Variants in PIK3R4 observed in about 807,000 individuals in gnomAD.
PIK3R4 encodes the protein phosphoinositide-3-kinase regulatory subunit 4.
In PIK3R4, 46 loss-of-function variants were observed where a neutral mutation model predicts 136.5. That is an observed-to-expected ratio of 0.34 (90% CI 0.27 to 0.43). The LOEUF is 0.43. PIK3R4 is among the 20% of genes least tolerant of loss of function. PIK3R4 has a pLI of 1.00. For synonymous variants in PIK3R4, 557 were observed against 566.7 expected, an observed-to-expected ratio of 0.98 and a Z score of 0.24; for missense variants, 1,331 against 1,649.5, an observed-to-expected ratio of 0.81 and a Z score of 3.35.
chr3:130,684,027 T>A (rs1455052067), intron 16 of PIK3R4, among the ~76,000 whole-genome samples: 1 of 152,054 alleles, frequency 6.6e-6, no homozygotes, highest in East Asian at 1.9e-4. Context: ...GGATAGGAGA[T>A]GGTGGTGGAC....
At chr3:130,702,558 A>G (rs2066581124) in intron 13 of PIK3R4, among the ~76,000 whole-genome samples, 1 of 152,236 alleles carries the variant, frequency 6.6e-6, no homozygotes, top group South Asian at 2.1e-4. Context: ...TATAACAAGA[A>G]AAGCACCAGA....
intron 5 of PIK3R4, among the ~76,000 whole-genome samples, chr3:130,729,066 G>A (rs2066748606): frequency 6.6e-6 from 1 of 152,158 alleles, no homozygotes; most frequent in Admixed American, 6.5e-5. Context: ...ATAATATGAT[G>A]GTACTGAGCA....
At chr3:130,684,093 CAGTG>C (rs904527169) in intron 16 of PIK3R4, among the ~76,000 whole-genome samples, 153 bp downstream of exon 16, 2 of 152,098 alleles carry the variant, frequency 1.3e-5, no homozygotes, top group Non-Finnish European at 2.9e-5. Flanking sequence ...ACATAGATGA[CAGTG>C]AGGTATCAAT....
Position 130,681,494 on chromosome 3 carries a change from T to G in PIK3R4, c.3705A>C (p.Leu1235Phe). 6.3e-7 allele frequency: 1 copy of G among 1,588,730 alleles called. No individual in the cohort carries two copies. The highest frequency in any genetic ancestry group is 8.6e-7 in the Non-Finnish European group (1 of 1,157,056). The change falls in exon 17 of 20, where the codon TTA (leucine) becomes TTC (phenylalanine). Residue 1235 changes from leucine (L) to phenylalanine (F), a missense_variant. This residue lies in a region of PIK3R4 where 1,180 missense variants were observed against 1,407.0 expected (regional missense o/e 0.84). Coordinates refer to ENST00000356763, the MANE Select transcript of PIK3R4 (RefSeq NM_014602.3). The part of the protein sequence containing the change: ...WASSAPPLSE[L>F]QPSPHSVHGI... ...ACAGTAAAAACTGAAGTCAAACCTG[T>G]AATTCAGAAAGTGGTGGTGCACTGC...
chr3:130,725,084 C>A (rs891475522), intron 6 of PIK3R4, among the ~76,000 whole-genome samples: 1 of 151,734 alleles, frequency 6.6e-6, no homozygotes, highest in South Asian at 2.1e-4. Flanking sequence ...AGGAAAAATT[C>A]TATCTAAAAT....
rs757258277 is a variant in PIK3R4 at position 130,686,198 on chromosome 3, A to C, written c.3475+13T>G. 2 of 1,579,130 alleles carry C rather than the reference A, an allele frequency of 1.3e-6. No homozygotes were observed. Among genetic ancestry groups the C allele is most frequent in the African/African-American group, 1.3e-5 (1 of 74,308 alleles). ...CATTCAAAACCCAGCCAATGACTTG[A>C]AAGTTAGCTTACCAATGCAGAGCCA... On this transcript the variant is annotated intron_variant, in intron 15 of 19. Coordinates refer to ENST00000356763, the MANE Select transcript of PIK3R4 (RefSeq NM_014602.3).
intron 13 of PIK3R4, among the ~76,000 whole-genome samples, chr3:130,693,141 C>T (rs546185392): frequency 6.6e-6 from 1 of 152,192 alleles, no homozygotes; most frequent in Non-Finnish European, 1.5e-5. Context: ...TCAAGGTTTA[C>T]TCACATTATA....
chr3:130,689,623 C>T (rs77682524), intron 14 of PIK3R4, among the ~76,000 whole-genome samples: 8,327 of 152,226 alleles, frequency 0.055, 360 homozygotes, highest in South Asian at 0.22. Flanking sequence ...ATCCACTAAA[C>T]AACTCCTCAT....
intron 16 of PIK3R4, among the ~76,000 whole-genome samples, chr3:130,682,508 C>T (rs1256207946): frequency 6.6e-6 from 1 of 152,098 alleles, no homozygotes; most frequent in Non-Finnish European, 1.5e-5. Flanking sequence ...GAAACTAATA[C>T]TTGCCTATGG....
Position 130,718,453 on chromosome 3 carries a change from G to A in PIK3R4, c.2063C>T (p.Thr688Ile), listed in dbSNP as rs767781492. ...CATCAGTTTACAGTAGACATCAGCT[G>A]TACTTATTTGACGAGCTACCACTGT... is the stretch of plus-strand genomic sequence containing the variant. ...FITVVARQISTADVYCKLMPY... is the reference protein window; with the variant it reads ...FITVVARQISIADVYCKLMPY... Residue 688 changes from threonine to isoleucine, a missense_variant, in exon 8 of 20, where the codon ACA becomes ATA. Around this residue, in one of 2 missense-constraint regions of PIK3R4, gnomAD observed 1,180 missense variants for 1,407.0 expected, o/e 0.84. Coordinates refer to ENST00000356763, the MANE Select transcript of PIK3R4 (RefSeq NM_014602.3). The A allele has an allele frequency of 1.3e-5, 21 of 1,613,110 alleles. No individual in the cohort carries two copies. The highest frequency in any genetic ancestry group is 1.7e-6 in the Non-Finnish European group (2 of 1,179,258).
intron 13 of PIK3R4, among the ~76,000 whole-genome samples, chr3:130,699,050 G>A (rs2066562010): frequency 6.6e-6 from 1 of 152,170 alleles, no homozygotes; most frequent in Non-Finnish European, 1.5e-5. Flanking sequence ...AGCCAGACAT[G>A]AGAATTTGGT....
At chr3:130,708,623 C>T (rs1390080702) in intron 9 of PIK3R4, 131 bp from the exon 10 acceptor site, 1 of 717,752 alleles carries the variant, frequency 1.4e-6, no homozygotes, top group Non-Finnish European at 2.3e-6. Context: ...GTGAAACAAC[C>T]AAGTCCAAGT....
At position 130,686,407 on chromosome 3, in the gene PIK3R4, C is replaced by T; in HGVS notation, c.3279G>A (p.Lys1093=). 1 of 1,608,472 alleles carries T rather than the reference C, an allele frequency of 6.2e-7. No individual in the cohort carries two copies. The highest frequency in any genetic ancestry group is 1.1e-5 in the South Asian group (1 of 90,960). The change falls in exon 15 of 20, where the codon AAG becomes AAA. Residue 1093 remains lysine, a synonymous_variant. Coordinates refer to ENST00000356763, the MANE Select transcript of PIK3R4 (RefSeq NM_014602.3). ...HPLQSRILDQ[K]EDGCVVDMHH... ...GCATATCCACAACACAACCGTCCTCCTTCTGATCTAGAATTCTAGAGAAAT... is the reference window on the plus strand; with the variant it reads ...GCATATCCACAACACAACCGTCCTCTTTCTGATCTAGAATTCTAGAGAAAT...
chr3:130,681,409 A>G, intron 17 of PIK3R4, 82 bp downstream of exon 17: 1 of 924,180 alleles, frequency 1.1e-6, no homozygotes, highest in Admixed American at 1.9e-5. Flanking sequence ...AGCCCAACAG[A>G]TACTAGGTTT....
intron 10 of PIK3R4, among the ~76,000 whole-genome samples, chr3:130,707,548 T>G (rs1459517072): frequency 3.9e-5 from 6 of 152,230 alleles, no homozygotes; most frequent in Non-Finnish European, 7.3e-5. Context: ...TTTGGCTTGC[T>G]TTCTTATTAA....
chr3:130,705,320 G>A (rs2066600535), intron 12 of PIK3R4, among the ~76,000 whole-genome samples: 1 of 152,184 alleles, frequency 6.6e-6, no homozygotes, highest in Admixed American at 6.5e-5. Flanking sequence ...TGGGGAAAAT[G>A]AAGCACAGAT....
intron 9 of PIK3R4, among the ~76,000 whole-genome samples, chr3:130,711,450 G>T (rs1043177598): frequency 6.6e-6 from 1 of 152,174 alleles, no homozygotes; most frequent in African/African-American, 2.4e-5. Context: ...GTGGAGCAGA[G>T]AAATGAAGGA....
chr3:130,726,843 G>A (rs977213008), intron 6 of PIK3R4, among the ~76,000 whole-genome samples: 3 of 151,720 alleles, frequency 2.0e-5, no homozygotes, highest in Non-Finnish European at 4.4e-5. Context: ...GACTTTTCCC[G>A]AGAAAAGAAA....
chr3:130,735,414 A>G (rs939625757), intron 3 of PIK3R4, among the ~76,000 whole-genome samples: 1 of 152,202 alleles, frequency 6.6e-6, no homozygotes, highest in Non-Finnish European at 1.5e-5. Flanking sequence ...GCCTTTCCAG[A>G]ACTGCCCTCA....
Sources: allele counts gnomAD v4.1 joint callset (sites outside exome capture counted in the v4.1 genomes callset), GRCh38; gene constraint gnomAD v4.1.1; regional missense constraint gnomAD v4.1.1; transcripts MANE v1.5; gene names NCBI Gene and HGNC (gene_info 2026-07-23, HGNC 2026-07-21).